The following TNIK variants were observed in gnomAD, a reference collection of about 807,000 sequenced individuals.
TNIK encodes the protein TRAF2 and NCK interacting kinase.
TNIK carries 49 observed loss-of-function variants against 191.3 expected under a neutral mutation model. That is an observed-to-expected ratio of 0.26 (90% CI 0.20 to 0.32). The LOEUF (loss-of-function observed/expected upper bound fraction) is 0.32, where lower values mean the gene tolerates loss of function less well. Among genes scored for constraint, TNIK ranks in the 10% least tolerant of loss-of-function variants. The pLI is 1.00. For synonymous variants in TNIK, 594 were observed against 600.9 expected, an observed-to-expected ratio of 0.99 and a Z score of 0.17; for missense variants, 1,155 against 1,702.3, an observed-to-expected ratio of 0.68 and a Z score of 5.66.
intron 2 of TNIK, among the ~76,000 whole-genome samples, chr3:171,261,533 TGG>T (rs1353646764): frequency 5.4e-5 from 2 of 37,268 alleles, no homozygotes; most frequent in African/African-American, 4.3e-4. Flanking sequence ...GTTGGATGGA[TGG>T]ATGATGGATG....
At chr3:171,321,906 CTT>C (rs1188060085) in intron 2 of TNIK, among the ~76,000 whole-genome samples, 1 of 152,182 alleles carries the variant, frequency 6.6e-6, no homozygotes, top group East Asian at 1.9e-4. Context: ...TAACCAAAGA[CTT>C]TGAAAATCTG....
chr3:171,306,208 A>G (rs1453290190), intron 2 of TNIK, among the ~76,000 whole-genome samples: 1 of 152,164 alleles, frequency 6.6e-6, no homozygotes, highest in South Asian at 2.1e-4. Flanking sequence ...ATTAGGGCCT[A>G]CTTGAGGGAG....
chr3:171,133,784 T>A (rs1288201976), intron 15 of TNIK, among the ~76,000 whole-genome samples: 5 of 152,184 alleles, frequency 3.3e-5, no homozygotes, highest in Non-Finnish European at 7.4e-5. Context: ...CACTTAGGTA[T>A]AGAGCAGAGA....
At chr3:171,427,831 A>T (rs1197101282) in intron 1 of TNIK, among the ~76,000 whole-genome samples, 1 of 152,160 alleles carries the variant, frequency 6.6e-6, no homozygotes, top group African/African-American at 2.4e-5. Flanking sequence ...CAACTTATAA[A>T]AGAGTGTCCT....
At chr3:171,270,771 G>A (rs911953862) in intron 2 of TNIK, among the ~76,000 whole-genome samples, 3 of 152,184 alleles carry the variant, frequency 2.0e-5, no homozygotes, top group Non-Finnish European at 2.9e-5. Context: ...TTTTGGGAAA[G>A]TTACTTCACA....
At chr3:171,066,079 T>C in intron 32 of TNIK, 108 bp downstream of exon 32, 1 of 1,406,416 alleles carries the variant, frequency 7.1e-7, no homozygotes, top group Non-Finnish European at 9.7e-7. Context: ...ATATTGATTG[T>C]TTAACACAGA....
chr3:171,339,410 A>G (rs1757294979), intron 2 of TNIK, among the ~76,000 whole-genome samples: 1 of 152,240 alleles, frequency 6.6e-6, no homozygotes, highest in South Asian at 2.1e-4. Flanking sequence ...ACCTGAGTCT[A>G]TCTTGAATAT....
intron 19 of TNIK, among the ~76,000 whole-genome samples, chr3:171,108,498 C>T (rs1725328814): frequency 1.3e-5 from 2 of 152,164 alleles, no homozygotes; most frequent in Admixed American, 6.5e-5. Context: ...AATGATATGG[C>T]ACTATTCTCC....
At chr3:171,333,994 G>A (rs973558687) in intron 2 of TNIK, among the ~76,000 whole-genome samples, 2 of 152,232 alleles carry the variant, frequency 1.3e-5, no homozygotes, top group African/African-American at 2.4e-5. Context: ...CCAGTGCCTT[G>A]TTTCTTCACC....
chr3:171,376,337 C>T (rs1198335105), intron 1 of TNIK, among the ~76,000 whole-genome samples: 2 of 152,178 alleles, frequency 1.3e-5, no homozygotes, highest in Non-Finnish European at 2.9e-5. Context: ...TAATTTTTTA[C>T]TTTAACTTCC....
chr3:171,139,378 G>GCCCACACACA, intron 14 of TNIK, 92 bp downstream of exon 14: 1 of 691,722 alleles, frequency 1.4e-6, no homozygotes, highest in Non-Finnish European at 2.5e-6. Context: ...ACGCACGCGC[G>GCCCACACACA]CACACACACA....
chr3:171,235,684 C>T (rs1232758162), intron 2 of TNIK, among the ~76,000 whole-genome samples: 1 of 151,558 alleles, frequency 6.6e-6, no homozygotes, highest in Non-Finnish European at 1.5e-5. Flanking sequence ...TTAAAATGCC[C>T]ATTAATGAAA....
intron 2 of TNIK, among the ~76,000 whole-genome samples, chr3:171,363,428 C>T (rs1715264306): frequency 6.6e-6 from 1 of 152,156 alleles, no homozygotes; most frequent in African/African-American, 2.4e-5. Context: ...TGCATTATTC[C>T]CATACAAAGC....
chr3:171,177,422 A>C, intron 7 of TNIK, 42 bp from the exon 8 acceptor site: 1 of 1,581,700 alleles, frequency 6.3e-7, no homozygotes, highest in Non-Finnish European at 8.6e-7. Context: ...TTCAGTCAAC[A>C]AAGGACAACT....
At chr3:171,235,093 G>C (rs562964760) in intron 2 of TNIK, among the ~76,000 whole-genome samples, 20 of 152,084 alleles carry the variant, frequency 1.3e-4, no homozygotes, top group Non-Finnish European at 2.6e-4. Context: ...CCAGGCTGGA[G>C]TACAGTGGCG....
rs113150183 is a variant in TNIK, at chr3:171,089,351, A to G, written c.2722-1845T>C. ...CATCTTATTGTGTGCTACTTTATGT[A>G]TACTGGGCAGTTTCTCCTTTCTTTT... On this transcript the variant is annotated intron_variant, in intron 23 of 32. Transcript: ENST00000436636. Among the ~76,000 whole-genome samples, 541 of 152,338 alleles carry G rather than the reference A, an allele frequency of 3.6e-3. 3 individuals are homozygous for G. Among genetic ancestry groups the G allele is most frequent in the African/African-American group, 0.013 (528 of 41,576 alleles).
Position 171,171,583 on chromosome 3 carries a change from C to T in TNIK, c.773+3669G>A, listed in dbSNP as rs116281304. ...TGACCTCAACTGAGTGCTGCTTTGC[C>T]TGTGTGGGCTCTTCAAATTTAAAGG... On this transcript the variant is annotated intron_variant, in intron 9 of 32. Transcript: ENST00000436636. Among the ~76,000 whole-genome samples, 251 of 152,258 alleles carry T rather than the reference C, an allele frequency of 1.6e-3. 1 individual carries two copies. Among genetic ancestry groups the T allele is most frequent in the South Asian group, 3.5e-3 (17 of 4,816 alleles).
chr3:171,178,409 G>C (rs1480228399), intron 7 of TNIK, among the ~76,000 whole-genome samples: 2 of 142,070 alleles, frequency 1.4e-5, no homozygotes, highest in East Asian at 4.2e-4. Flanking sequence ...AACAATTATT[G>C]CCTATTTTGT....
At chr3:171,239,929 G>C (rs887362474) in intron 2 of TNIK, among the ~76,000 whole-genome samples, 1 of 152,062 alleles carries the variant, frequency 6.6e-6, no homozygotes, top group Non-Finnish European at 1.5e-5. Context: ...GGGGAGGGGC[G>C]GGGGTGAAAT....
Sources: gnomAD v4.1 joint callset for allele counts (sites outside exome capture counted in the v4.1 genomes callset) on GRCh38, gnomAD v4.1.1 for gene constraint, MANE v1.5 for transcripts, NCBI Gene and HGNC (gene_info 2026-07-23, HGNC 2026-07-21) for gene names.